SLC35F4: variants seen among roughly 807,000 people sequenced by gnomAD.
SLC35F4 encodes the protein chromosome 14 open reading frame 36.
SLC35F4 carries 24 observed loss-of-function variants against 44.2 expected under a neutral mutation model. The ratio of observed to expected loss-of-function variants is 0.54; its 90% CI spans 0.39 to 0.76. SLC35F4 has a LOEUF of 0.76. SLC35F4 is among the 30% of genes least tolerant of loss of function. The pLI is 0.00. For synonymous variants in SLC35F4, 238 were observed against 223.6 expected (o/e 1.06, Z -0.57); for missense variants, 562 against 586.1 (o/e 0.96, Z 0.42).
At chr14:57,727,931 T>G (rs2140460113) in intron 1 of SLC35F4, among the ~76,000 whole-genome samples, 1 of 152,322 alleles carries the variant, frequency 6.6e-6, no homozygotes, top group Admixed American at 6.5e-5. Context: ...GTCCAATGTT[T>G]CTTGGTTGAT....
At chr14:57,704,453 T>G (rs1487190813) in intron 1 of SLC35F4, among the ~76,000 whole-genome samples, 1 of 152,052 alleles carries the variant, frequency 6.6e-6, no homozygotes, top group East Asian at 1.9e-4. Context: ...TAGAAAAAAA[T>G]GTTCATCGTT....
intron 1 of SLC35F4, among the ~76,000 whole-genome samples, chr14:57,634,529 C>A (rs1464110551): frequency 6.6e-6 from 1 of 152,016 alleles, no homozygotes; most frequent in Non-Finnish European, 1.5e-5. Context: ...CAGGTGGCAG[C>A]AGCACCATTC....
chr14:57,572,419 A>C (rs2139711596), intron 4 of SLC35F4, among the ~76,000 whole-genome samples: 1 of 152,232 alleles, frequency 6.6e-6, no homozygotes, highest in East Asian at 1.9e-4. Context: ...AATTCAGCAT[A>C]CATTTTAATC....
intron 1 of SLC35F4, among the ~76,000 whole-genome samples, chr14:57,618,517 G>A (rs901058340): frequency 1.1e-4 from 17 of 152,174 alleles, no homozygotes; most frequent in Admixed American, 3.9e-4. Context: ...CAGATACTGC[G>A]CTTTTCCCAT....
chr14:57,609,463 A>G (rs887279504), intron 1 of SLC35F4, among the ~76,000 whole-genome samples: 3 of 152,156 alleles, frequency 2.0e-5, no homozygotes, highest in Non-Finnish European at 4.4e-5. Flanking sequence ...GATAAGGAAA[A>G]AATGATATTA....
At chr14:57,792,489 G>C (rs2077947676) in intron 1 of SLC35F4, among the ~76,000 whole-genome samples, 2 of 152,076 alleles carry the variant, frequency 1.3e-5, no homozygotes, top group African/African-American at 4.8e-5. Context: ...ATTTGCAACT[G>C]CAACAATATG....
intron 1 of SLC35F4, among the ~76,000 whole-genome samples, chr14:57,757,259 C>T (rs561747061): frequency 6.6e-6 from 1 of 152,252 alleles, no homozygotes; most frequent in Admixed American, 6.5e-5. Flanking sequence ...TGTTTTGCCA[C>T]ATTTTTACTT....
intron 1 of SLC35F4, among the ~76,000 whole-genome samples, chr14:57,711,116 A>G (rs1327063524): frequency 6.6e-6 from 1 of 152,124 alleles, no homozygotes; most frequent in Non-Finnish European, 1.5e-5. Context: ...CCCAGTGGGT[A>G]GTGATTGGAT....
intron 4 of SLC35F4, among the ~76,000 whole-genome samples, chr14:57,580,783 A>G (rs2069190575): frequency 6.6e-6 from 1 of 152,044 alleles, no homozygotes; most frequent in Non-Finnish European, 1.5e-5. Flanking sequence ...AATCTTATCT[A>G]CTTACACCAA....
intron 1 of SLC35F4, among the ~76,000 whole-genome samples, chr14:57,922,217 A>T (rs975131394): frequency 2.6e-5 from 4 of 152,184 alleles, no homozygotes; most frequent in African/African-American, 9.7e-5. Flanking sequence ...CTCAAACTTC[A>T]GTGGGCATAC....
chr14:57,813,702 G>A (rs1163563497), intron 1 of SLC35F4, among the ~76,000 whole-genome samples: 2 of 152,142 alleles, frequency 1.3e-5, no homozygotes, highest in Non-Finnish European at 2.9e-5. Context: ...TGTGCAGATG[G>A]ATGCACCAAC....
intron 1 of SLC35F4, among the ~76,000 whole-genome samples, chr14:57,954,234 CA>C (rs1482428751): frequency 1.3e-5 from 2 of 152,124 alleles, no homozygotes; most frequent in African/African-American, 4.8e-5. Flanking sequence ...CCAATGAGAA[CA>C]AAGACACAAC....
intron 1 of SLC35F4, among the ~76,000 whole-genome samples, chr14:57,942,589 G>A (rs959971010): frequency 2.6e-5 from 4 of 152,040 alleles, no homozygotes; most frequent in East Asian, 1.9e-4. Flanking sequence ...TAGCATTTTC[G>A]GAATTTCAAT....
At chr14:57,619,108 G>A (rs975474097) in intron 1 of SLC35F4, among the ~76,000 whole-genome samples, 1 of 152,138 alleles carries the variant, frequency 6.6e-6, no homozygotes, top group Admixed American at 6.5e-5. Flanking sequence ...GCAACTGTGG[G>A]TTCAGCTTCA....
intron 5 of SLC35F4, among the ~76,000 whole-genome samples, chr14:57,571,292 C>T (rs2139700988): frequency 6.6e-6 from 1 of 152,232 alleles, no homozygotes; most frequent in South Asian, 2.1e-4. Flanking sequence ...TGACAGGGAA[C>T]TCCAGTGGAG....
chr14:57,929,437 A>G (rs1302869668), intron 1 of SLC35F4, among the ~76,000 whole-genome samples: 1 of 152,140 alleles, frequency 6.6e-6, no homozygotes, highest in East Asian at 1.9e-4. Flanking sequence ...ACAGCACCTT[A>G]GAGCGGGAGA....
chr14:57,625,434 A>T (rs1011080363), intron 1 of SLC35F4, among the ~76,000 whole-genome samples: 1 of 152,218 alleles, frequency 6.6e-6, no homozygotes, highest in African/African-American at 2.4e-5. Context: ...CTTTCTTGAA[A>T]GAATTGGAAA....
At chr14:57,745,476 T>A (rs1300914478) in intron 1 of SLC35F4, among the ~76,000 whole-genome samples, 2 of 152,030 alleles carry the variant, frequency 1.3e-5, no homozygotes, top group African/African-American at 4.8e-5. Context: ...AACAGACACA[T>A]GAAAAAATGC....
chr14:57,886,399 A>G (rs1211535287), intron 1 of SLC35F4, among the ~76,000 whole-genome samples: 2 of 152,152 alleles, frequency 1.3e-5, no homozygotes, highest in Non-Finnish European at 2.9e-5. Context: ...GACAGAATTG[A>G]TTTCCAGAAA....
Sources: gnomAD v4.1 joint callset for allele counts (sites outside exome capture counted in the v4.1 genomes callset) on GRCh38, gnomAD v4.1.1 for gene constraint, MANE v1.5 for transcripts, NCBI Gene and HGNC (gene_info 2026-07-23, HGNC 2026-07-21) for gene names.